BAIAP2L1: variants seen among roughly 807,000 people sequenced by gnomAD.
BAIAP2L1 encodes BAR/IMD domain containing adaptor protein 2 like 1, also known as BAR/IMD domain-containing adapter protein 2-like 1.
A neutral mutation model predicts 66.3 loss-of-function variants in BAIAP2L1; 35 were observed. The observed-to-expected ratio is 0.53, with a 90% CI of 0.40 to 0.70. The LOEUF (loss-of-function observed/expected upper bound fraction) is 0.70. Ranked by LOEUF, BAIAP2L1 falls within the 30% of genes least tolerant of loss-of-function variation. BAIAP2L1 has a pLI of 0.00. For synonymous variants in BAIAP2L1, 269 were observed against 248.7 expected (o/e 1.08, Z -0.77); for missense variants, 622 against 656.9 (o/e 0.95, Z 0.58).
intron 11 of BAIAP2L1, 141 bp from the exon 12 acceptor site, chr7:98,304,517 C>T (rs2116841275): frequency 2.4e-6 from 2 of 849,258 alleles, no homozygotes; most frequent in South Asian, 1.6e-5. Flanking sequence ...CACACAGACA[C>T]ACACAGTACA....
At chr7:98,354,560 C>T (rs551486279) in intron 3 of BAIAP2L1, among the ~76,000 whole-genome samples, 9 of 152,108 alleles carry the variant, frequency 5.9e-5, no homozygotes, top group Admixed American at 3.3e-4. Context: ...AGGGTGTAAC[C>T]GCCCTCTCTG....
intron 3 of BAIAP2L1, among the ~76,000 whole-genome samples, chr7:98,343,228 T>C (rs551447099): frequency 6.8e-6 from 1 of 147,850 alleles, no homozygotes; most frequent in Admixed American, 6.9e-5. Context: ...TGAAACCCTG[T>C]CTCTACTGGA....
chr7:98,357,033 A>T (rs1802144916), intron 2 of BAIAP2L1, among the ~76,000 whole-genome samples: 1 of 16,094 alleles, frequency 6.2e-5, no homozygotes, highest in African/African-American at 2.5e-4. Context: ...ATATATATAT[A>T]TATATATATA....
intron 1 of BAIAP2L1, chr7:98,386,199 G>T: frequency 6.6e-7 from 1 of 1,525,454 alleles, no homozygotes; most frequent in Admixed American, 1.7e-5. Context: ...AGTAACCATC[G>T]GTAGTCTTGA....
At chr7:98,389,971 A>G (rs571844680) in intron 1 of BAIAP2L1, among the ~76,000 whole-genome samples, 1 of 141,660 alleles carries the variant, frequency 7.1e-6, no homozygotes, top group East Asian at 2.0e-4. Flanking sequence ...GCTGGAGTGC[A>G]GTGGCGGGAT....
At chr7:98,319,466 A>C (rs368733406) in intron 5 of BAIAP2L1, among the ~76,000 whole-genome samples, 1 of 152,092 alleles carries the variant, frequency 6.6e-6, no homozygotes. Flanking sequence ...CAGAAGCACA[A>C]ATGTCCTACA....
chr7:98,344,335 T>C lies in BAIAP2L1; in HGVS notation c.214+10707A>G, dbSNP rs140179252. ...TATGTTAACTCTTATCTTCAAGTCA[T>C]TGAGAACATTCAGCATGAAAACAAC... On this transcript the variant is annotated intron_variant, in intron 3 of 13. Coordinates refer to ENST00000005260, the MANE Select transcript of BAIAP2L1 (RefSeq NM_018842.5). 3.3e-3 allele frequency among the ~76,000 whole-genome samples: 498 copies of C among 152,348 alleles called. 3 individuals carry two copies. The highest frequency in any genetic ancestry group is 0.011 in the African/African-American group (472 of 41,588).
chr7:98,320,084 T>C lies in BAIAP2L1; in HGVS notation c.322A>G (p.Ile108Val). The C allele has an allele frequency of 6.2e-7, 1 of 1,613,764 alleles. No individual in the cohort carries two copies. Among genetic ancestry groups the C allele is most frequent in the Non-Finnish European group, 8.5e-7 (1 of 1,179,746 alleles). Residue 108 changes from isoleucine to valine, a missense_variant, in exon 5 of 14, where the codon ATA (isoleucine) becomes GTA (valine). By Grantham distance (29) the Ile-to-Val change is conservative (BLOSUM62 3). Transcript: ENST00000005260. ...KEIIHELEKK[I>V]ELDVKYMNAT... is the part of the protein sequence containing the mutation. ...TTCATATATTTCACGTCAAGTTCTA[T>C]CTTCTTCTCCAGCTCATGGATAATC...
chr7:98,317,172 C>A (rs1801100267), intron 6 of BAIAP2L1, 47 bp downstream of exon 6: 2 of 1,612,626 alleles, frequency 1.2e-6, no homozygotes, highest in African/African-American at 1.3e-5. Context: ...TTAAACTGTG[C>A]AAATTGTCAA....
chr7:98,362,333 AT>A (rs1347946558), intron 2 of BAIAP2L1, 23 bp downstream of exon 2: 21 of 1,549,926 alleles, frequency 1.4e-5, no homozygotes, highest in Non-Finnish European at 1.9e-5. Context: ...TTTATATATA[AT>A]CAATTCAGAA....
At chr7:98,336,143 AGG>A (rs1002028870) in intron 3 of BAIAP2L1, among the ~76,000 whole-genome samples, 6 of 116,750 alleles carry the variant, frequency 5.1e-5, no homozygotes, top group African/African-American at 2.0e-4. Flanking sequence ...GGGGACTATG[AGG>A]GGGGGTGGGA....
At chr7:98,349,235 C>A (rs890335936) in intron 3 of BAIAP2L1, among the ~76,000 whole-genome samples, 2 of 152,168 alleles carry the variant, frequency 1.3e-5, no homozygotes, top group South Asian at 4.1e-4. Context: ...CACTCTGCAA[C>A]CCCTGAGGAA....
rs1334382000 is a variant in BAIAP2L1, at chr7:98,386,508, G to A, written c.51+14294C>T. 5.6e-6 allele frequency: 9 copies of A among 1,596,794 alleles called. No homozygotes were observed. In the East Asian group the frequency reaches 1.3e-4, roughly 24 times the overall value. On this transcript the variant is annotated intron_variant, in intron 1 of 13. Coordinates refer to ENST00000005260, the MANE Select transcript of BAIAP2L1 (RefSeq NM_018842.5). ...TTTCACATCATACCAATCTTTCTTA[G>A]AAAATGGATCAACCACTTTCTTCTT...
chr7:98,296,010 C>G (rs941002696), intron 12 of BAIAP2L1, among the ~76,000 whole-genome samples: 1 of 152,162 alleles, frequency 6.6e-6, no homozygotes, highest in Non-Finnish European at 1.5e-5. Context: ...CCATGGGCAC[C>G]GAGACACTCG....
intron 10 of BAIAP2L1, chr7:98,307,182 G>A (rs966070061): frequency 1.6e-4 from 27 of 169,942 alleles, no homozygotes; most frequent in African/African-American, 5.8e-4. Flanking sequence ...GCGAGATCTC[G>A]GCTCACTGCA....
At chr7:98,372,733 G>GTTTTTTTT (rs34330041) in intron 1 of BAIAP2L1, among the ~76,000 whole-genome samples, 2 of 93,814 alleles carry the variant, frequency 2.1e-5, no homozygotes, top group African/African-American at 4.3e-5. Flanking sequence ...ATCGATTTTG[G>GTTTTTTTT]TTTTTTTTTT....
At position 98,306,729 on chromosome 7, in the gene BAIAP2L1, A is replaced by G. The variant is rs1400030619; in HGVS notation, c.1164-213T>C. The G allele has an allele frequency of 9.0e-6, 6 of 666,476 alleles. No homozygotes were observed. In the East Asian group the frequency reaches 2.0e-4, roughly 22 times the overall value. The allele number at this position is 666,476 out of a possible 1,614,324, so 41.3% of individuals were successfully genotyped here. A position where few individuals can be genotyped will look rare whatever the true frequency, so the allele number is the denominator to read the frequency against. ...TGTTAACAATTTTTTTTTAATAGAG[A>G]CAGGGTCTCGCTCTGTTGCCCAGGC... is the stretch of plus-strand genomic sequence containing the variant. On this transcript the variant is annotated intron_variant, in intron 10 of 13. Transcript: ENST00000005260.
chr7:98,364,784 C>T (rs1444155692), intron 1 of BAIAP2L1, among the ~76,000 whole-genome samples: 5 of 150,886 alleles, frequency 3.3e-5, no homozygotes, highest in East Asian at 1.9e-4. Context: ...CAGGAGTTTG[C>T]GACCAACCTG....
intron 12 of BAIAP2L1, among the ~76,000 whole-genome samples, chr7:98,300,263 C>CCCCTGCT (rs1429816865): frequency 3.0e-4 from 2 of 6,768 alleles, no homozygotes; most frequent in Non-Finnish European, 4.6e-4. Context: ...ACAGCCATTC[C>CCCCTGCT]CCCTGCTCCC....
Sources: gnomAD v4.1 joint callset for allele counts (sites outside exome capture counted in the v4.1 genomes callset) on GRCh38, gnomAD v4.1.1 for gene constraint, MANE v1.5 for transcripts, NCBI Gene and HGNC (gene_info 2026-07-23, HGNC 2026-07-21) for gene names.